The following WWOX variants were observed in gnomAD, a reference collection of about 807,000 sequenced individuals.
WWOX encodes WW domain containing oxidoreductase.
WWOX carries 69 observed loss-of-function variants against 46.2 expected under a neutral mutation model. The observed-to-expected ratio is 1.49, with a 90% CI of 1.23 to 1.82. WWOX has a LOEUF of 1.82. Ranked by LOEUF, WWOX falls within the 40% of genes most tolerant of loss-of-function variation. WWOX has a pLI of 0.00. For synonymous variants in WWOX, 359 were observed against 202.6 expected, an observed-to-expected ratio of 1.77 and a Z score of -6.56; for missense variants, 919 against 542.6, an observed-to-expected ratio of 1.69 and a Z score of -6.89.
Position 79,176,105 on chromosome 16 carries a change from A to T in WWOX, c.1057-35503A>T, listed in dbSNP as rs570221136. Among the ~76,000 whole-genome samples the T allele has an allele frequency of 2.6e-5, 4 of 152,326 alleles. No individual in the cohort carries two copies. The East Asian group carries it at 7.7e-4, about 29-fold the overall frequency. On this transcript the variant is annotated intron_variant, in intron 8 of 8. Coordinates refer to ENST00000566780, the MANE Select transcript of WWOX (RefSeq NM_016373.4). ...AGTGACCCCTATATGGATTGTTTGC[A>T]CACCTGTGTTGCAAATGTATTAGTT... is the stretch of plus-strand genomic sequence containing the variant.
Position 78,317,882 on chromosome 16 carries a change from C to T in WWOX, c.517-68978C>T, listed in dbSNP as rs74029885. ...CATTTTCACTCCCCGTAAACATCTTCTGTTTCTGTTTTAGAAGACATTGCT... is the reference window on the plus strand; with the variant it reads ...CATTTTCACTCCCCGTAAACATCTTTTGTTTCTGTTTTAGAAGACATTGCT... On this transcript the variant is annotated intron_variant, in intron 5 of 8. Coordinates refer to ENST00000566780, the MANE Select transcript of WWOX (RefSeq NM_016373.4). 7.3e-3 allele frequency among the ~76,000 whole-genome samples: 1,118 copies of T among 152,344 alleles called. 10 individuals are homozygous for T. The highest frequency in any genetic ancestry group is 0.024 in the African/African-American group (1,013 of 41,580).
chr16:78,734,712 G>T (rs80184548), intron 8 of WWOX, among the ~76,000 whole-genome samples: 3,009 of 152,052 alleles, frequency 0.02, 106 homozygotes, highest in African/African-American at 0.068. Flanking sequence ...TCAGTCACCT[G>T]ATTACAGCAG....
intron 6 of WWOX, among the ~76,000 whole-genome samples, chr16:78,409,318 A>G (rs978546802): frequency 6.6e-6 from 1 of 152,210 alleles, no homozygotes; most frequent in African/African-American, 2.4e-5. Context: ...CTGTCAAGAT[A>G]CAGAACAGTG....
At chr16:78,274,350 C>T (rs887183319) in intron 5 of WWOX, among the ~76,000 whole-genome samples, 2 of 152,280 alleles carry the variant, frequency 1.3e-5, no homozygotes, top group South Asian at 4.1e-4. Context: ...TGGGATTTAT[C>T]ACTTGAAAAT....
chr16:78,522,032 C>T (rs1321131064), intron 8 of WWOX, among the ~76,000 whole-genome samples: 1 of 151,590 alleles, frequency 6.6e-6, no homozygotes, highest in African/African-American at 2.4e-5. Flanking sequence ...CCATGAATCA[C>T]TTTGTAGTAA....
At chr16:78,591,097 G>T (rs113429544) in intron 8 of WWOX, among the ~76,000 whole-genome samples, 16 of 152,104 alleles carry the variant, frequency 1.1e-4, no homozygotes, top group Non-Finnish European at 2.2e-4. Context: ...GCCATGATGT[G>T]GTTCTGCTTC....
chr16:79,159,182 G>A (rs1336305962), intron 8 of WWOX, among the ~76,000 whole-genome samples: 2 of 152,162 alleles, frequency 1.3e-5, no homozygotes, highest in African/African-American at 4.8e-5. Flanking sequence ...GAATATAAAA[G>A]TTAAAAAGGT....
chr16:78,745,491 G>A (rs1452221805), intron 8 of WWOX, among the ~76,000 whole-genome samples: 1 of 147,110 alleles, frequency 6.8e-6, no homozygotes, highest in Non-Finnish European at 1.5e-5. Flanking sequence ...GCGTTTGGGG[G>A]TCACTCCATA....
chr16:78,177,034 G>C (rs1201529657), intron 5 of WWOX, among the ~76,000 whole-genome samples: 3 of 152,180 alleles, frequency 2.0e-5, no homozygotes, highest in Admixed American at 6.5e-5. Flanking sequence ...GACCTACTAG[G>C]TAAGAATCTC....
intron 8 of WWOX, among the ~76,000 whole-genome samples, chr16:78,738,067 G>A (rs1035499369): frequency 6.6e-6 from 1 of 152,166 alleles, no homozygotes; most frequent in Non-Finnish European, 1.5e-5. Context: ...CTCCTAAGTG[G>A]CAGCTGCCCA....
intron 8 of WWOX, among the ~76,000 whole-genome samples, chr16:79,094,243 CT>C (rs746687673): frequency 0.067 from 9,278 of 138,326 alleles, 286 homozygotes; most frequent in Middle Eastern, 0.12. Context: ...TGAGGTTTTT[CT>C]TTTTTTTTTT....
At chr16:78,794,495 T>C (rs570788850) in intron 8 of WWOX, among the ~76,000 whole-genome samples, 7 of 152,244 alleles carry the variant, frequency 4.6e-5, no homozygotes, top group Admixed American at 3.9e-4. Context: ...TTAGGCAAAA[T>C]ACCCAAACTC....
At chr16:78,781,720 A>G (rs896114668) in intron 8 of WWOX, among the ~76,000 whole-genome samples, 2 of 152,170 alleles carry the variant, frequency 1.3e-5, no homozygotes, top group African/African-American at 4.8e-5. Flanking sequence ...GGATGCAGTG[A>G]GCTGAGATGG....
chr16:78,326,113 C>T (rs560131942), intron 5 of WWOX, among the ~76,000 whole-genome samples: 1 of 152,140 alleles, frequency 6.6e-6, no homozygotes, highest in African/African-American at 2.4e-5. Context: ...CTCCAGAAGT[C>T]CAGGGCTCTT....
chr16:78,893,576 A>G (rs934776941), intron 8 of WWOX, among the ~76,000 whole-genome samples: 1 of 152,174 alleles, frequency 6.6e-6, no homozygotes, highest in Non-Finnish European at 1.5e-5. Context: ...ACTTCTGCCC[A>G]CATGGCTGCC....
At position 78,759,875 on chromosome 16, in the gene WWOX, C is replaced by G. The variant is rs375884196; in HGVS notation, c.1056+327123C>G. 1.8e-4 allele frequency among the ~76,000 whole-genome samples: 28 copies of G among 152,296 alleles called. No individual in the cohort carries two copies. The East Asian group carries it at 4.2e-3, about 23-fold the overall frequency. On this transcript the variant is annotated intron_variant, in intron 8 of 8. Transcript: ENST00000566780. Reference sequence around the variant, plus strand: ...GTCCATTCCTTTCATCTTCCAGTCTCTAGAGGCTGCTGGCATTTTTCAGCT... The same window carrying G: ...GTCCATTCCTTTCATCTTCCAGTCTGTAGAGGCTGCTGGCATTTTTCAGCT...
intron 5 of WWOX, among the ~76,000 whole-genome samples, chr16:78,207,750 A>G (rs2036439816): frequency 7.1e-6 from 1 of 140,342 alleles, no homozygotes; most frequent in African/African-American, 2.8e-5. Context: ...TGACAGAGGA[A>G]GACCCTATTA....
At chr16:78,806,786 C>T (rs1483906233) in intron 8 of WWOX, among the ~76,000 whole-genome samples, 1 of 152,168 alleles carries the variant, frequency 6.6e-6, no homozygotes, top group East Asian at 1.9e-4. Flanking sequence ...AGGAAATAGA[C>T]CCCACCTCTT....
intron 8 of WWOX, among the ~76,000 whole-genome samples, chr16:78,851,035 A>G (rs912425411): frequency 1.3e-5 from 2 of 152,180 alleles, no homozygotes; most frequent in Non-Finnish European, 2.9e-5. Context: ...AATGTATTAC[A>G]TGTGAGTTAT....
Sources: gnomAD v4.1 joint callset for allele counts (sites outside exome capture counted in the v4.1 genomes callset) on GRCh38, gnomAD v4.1.1 for gene constraint, MANE v1.5 for transcripts, NCBI Gene and HGNC (gene_info 2026-07-23, HGNC 2026-07-21) for gene names.